Variants in TMIGD3 observed in about 807,000 individuals in gnomAD.
TMIGD3 encodes transmembrane and immunoglobulin domain containing 3, also known as AD026 protein (AD026).
A neutral mutation model predicts 28.1 loss-of-function variants in TMIGD3; 21 were observed. That is an observed-to-expected ratio of 0.75 (90% CI 0.53 to 1.08). TMIGD3 has a LOEUF of 1.08. Ranked by LOEUF, TMIGD3 falls within the 50% of genes least tolerant of loss-of-function variation. TMIGD3 has a pLI of 0.00. For missense variants in TMIGD3, 416 were observed against 435.6 expected, an observed-to-expected ratio of 0.96 and a Z score of 0.40; for synonymous variants, 151 against 162.1, an observed-to-expected ratio of 0.93 and a Z score of 0.52.
intron 2 of TMIGD3, chr1:111,489,447 T>C (rs1055877934): frequency 1.7e-6 from 1 of 592,076 alleles, no homozygotes. Context: ...ACTTGCCAAA[T>C]GCCTCGATCT....
chr1:111,500,573 A>G, intron 1 of TMIGD3: 1 of 1,610,920 alleles, frequency 6.2e-7, no homozygotes, highest in South Asian at 1.1e-5. Flanking sequence ...GAATGAAGAG[A>G]GTCAGTGAGT....
intron 1 of TMIGD3, among the ~76,000 whole-genome samples, chr1:111,549,550 T>C (rs1434366575): frequency 6.6e-6 from 1 of 150,562 alleles, no homozygotes; most frequent in Non-Finnish European, 1.5e-5. Context: ...CTAGGGAGGC[T>C]GAGACAGGAG....
chr1:111,506,912 A>ATT (rs1553201739), upstream of TMIGD3, among the ~76,000 whole-genome samples: 1,665 of 43,308 alleles, frequency 0.038, 32 homozygotes, highest in African/African-American at 0.086. Flanking sequence ...ATATATATAT[A>ATT]TTATATATAT....
At chr1:111,505,878 C>T (rs1655468566), upstream of TMIGD3, among the ~76,000 whole-genome samples, 3 of 152,194 alleles carry the variant, frequency 2.0e-5, no homozygotes, top group South Asian at 2.1e-4. Context: ...TGGCTTATAC[C>T]CTTCTGATGG....
chr1:111,500,195 A>G lies in TMIGD3; in HGVS notation c.350+2810T>C, dbSNP rs200903739. 1.9e-5 allele frequency: 31 copies of G among 1,614,194 alleles called. No homozygotes were observed. In the African/African-American group the frequency reaches 3.3e-4, roughly 17 times the overall value. ...AAAGGCAGCCATGACAGAGCAAACA[A>G]GAAAAGAACCAGAAACAAGGACTTA... On this transcript the variant is annotated intron_variant, in intron 1 of 5. Transcript: ENST00000369716.
intron 1 of TMIGD3, chr1:111,500,063 A>G (rs1347057570): frequency 6.2e-7 from 1 of 1,614,246 alleles, no homozygotes; most frequent in Admixed American, 1.7e-5. Context: ...TTATAGGCAT[A>G]GACGATAGGG....
At chr1:111,488,649 C>G in intron 3 of TMIGD3, 28 bp downstream of exon 3, 1 of 1,582,224 alleles carries the variant, frequency 6.3e-7, no homozygotes, top group Non-Finnish European at 8.7e-7. Context: ...TGGGTTACAT[C>G]CAGCCAGACC....
In TMIGD3 at chr1:111,503,071, TGG is replaced by T. The variant is rs746264477; in HGVS notation, c.282_283del (p.His95ArgfsTer64). ...GGCCAGCAAGGACATGATGGAGGCG[TGG>T]GTAAAGATAAGCAGTAGGCAAGTCA... On this transcript the variant is annotated frameshift_variant, in exon 1 of 6. Transcript: ENST00000369716. LOFTEE classifies it high-confidence loss of function. 6.2e-7 allele frequency: 1 copy of T among 1,613,852 alleles called. No individual in the cohort carries two copies. Among genetic ancestry groups the T allele is most frequent in the South Asian group, 1.1e-5 (1 of 91,048 alleles).
intron 5 of TMIGD3, 68 bp downstream of exon 5, chr1:111,485,672 T>A: frequency 1.6e-6 from 2 of 1,265,152 alleles, no homozygotes; most frequent in Admixed American, 2.0e-5. Context: ...TCATTTGAAA[T>A]CTGCTCCTTG....
chr1:111,537,122 C>T (rs1298357466), intron 1 of TMIGD3, among the ~76,000 whole-genome samples: 1 of 152,214 alleles, frequency 6.6e-6, no homozygotes, highest in Admixed American at 6.5e-5. Flanking sequence ...AAACTGCACT[C>T]ATCCTTCAAG....
intron 1 of TMIGD3, among the ~76,000 whole-genome samples, chr1:111,553,335 T>C (rs1052453737): frequency 8.5e-5 from 13 of 152,238 alleles, no homozygotes; most frequent in African/African-American, 3.1e-4. Context: ...ACAGCATTGA[T>C]TCTGCATCAC....
chr1:111,506,330 T>C (rs770144682), upstream of TMIGD3, among the ~76,000 whole-genome samples: 14 of 152,202 alleles, frequency 9.2e-5, no homozygotes, highest in South Asian at 2.1e-4. Context: ...ATTGGGTATA[T>C]AAGGAAACAA....
At chr1:111,519,982 C>T (rs1013552897) in intron 1 of TMIGD3, among the ~76,000 whole-genome samples, 9 of 152,154 alleles carry the variant, frequency 5.9e-5, no homozygotes, top group Non-Finnish European at 1.2e-4. Flanking sequence ...CGTGAGCCAC[C>T]GTACCTGGCT....
chr1:111,526,486 C>A (rs1004902796), intron 1 of TMIGD3, among the ~76,000 whole-genome samples: 1 of 152,168 alleles, frequency 6.6e-6, no homozygotes, highest in Non-Finnish European at 1.5e-5. Context: ...GAGGCCTCCC[C>A]AGCCCTGCAG....
intron 1 of TMIGD3, among the ~76,000 whole-genome samples, chr1:111,512,203 T>C (rs879672368): frequency 1.3e-5 from 2 of 152,230 alleles, no homozygotes; most frequent in African/African-American, 4.8e-5. Context: ...GGTAGAATAG[T>C]GGGTGCTAAT....
chr1:111,515,847 C>CGGGAGCCG (rs1655846598), intron 1 of TMIGD3, among the ~76,000 whole-genome samples: 1 of 152,208 alleles, frequency 6.6e-6, no homozygotes, highest in Non-Finnish European at 1.5e-5. Flanking sequence ...TCCGGAACTC[C>CGGGAGCCG]GGGAGCCGGG....
intron 1 of TMIGD3, among the ~76,000 whole-genome samples, chr1:111,528,889 G>T (rs972233621): frequency 6.6e-6 from 1 of 151,882 alleles, no homozygotes; most frequent in Non-Finnish European, 1.5e-5. Flanking sequence ...TTCATAATTG[G>T]TTATTAATTC....
At chr1:111,490,337 G>C (rs1360011564) in intron 2 of TMIGD3, 3 of 264,894 alleles carry the variant, frequency 1.1e-5, no homozygotes, top group Non-Finnish European at 2.1e-5. Context: ...AATGCGTAAT[G>C]AATTTGCATG....
At chr1:111,506,402 CTATTCACAGACTCA>C (rs1214076686), upstream of TMIGD3, among the ~76,000 whole-genome samples, 1 of 152,234 alleles carries the variant, frequency 6.6e-6, no homozygotes, top group Non-Finnish European at 1.5e-5. Context: ...TAAGCAGCTT[CTATTCACAGACTCA>C]TTCAATGCTC....
Sources: gnomAD v4.1 joint callset for allele counts (sites outside exome capture counted in the v4.1 genomes callset) on GRCh38, gnomAD v4.1.1 for gene constraint, MANE v1.5 for transcripts, NCBI Gene and HGNC (gene_info 2026-07-23, HGNC 2026-07-21) for gene names.